Variants in ABHD17B observed in about 807,000 individuals in gnomAD.
ABHD17B encodes the protein abhydrolase domain containing 17B, depalmitoylase, also known as alpha/beta hydrolase domain-containing protein 17B.
A neutral mutation model predicts 26.2 loss-of-function variants in ABHD17B; 9 were observed. The ratio of observed to expected loss-of-function variants is 0.34; its 90% CI spans 0.21 to 0.60. The LOEUF is 0.60. ABHD17B is among the 20% of genes least tolerant of loss of function. The pLI is 0.80. For synonymous variants in ABHD17B, 127 were observed against 122.3 expected (o/e 1.04, Z -0.25); for missense variants, 224 against 352.1 (o/e 0.64, Z 2.91).
intron 1 of ABHD17B, among the ~76,000 whole-genome samples, chr9:71,885,153 T>C (rs1219185609): frequency 6.6e-6 from 1 of 151,606 alleles, no homozygotes; most frequent in African/African-American, 2.4e-5. Context: ...ATACACAAAA[T>C]GAAAGGTCAG....
chr9:71,906,794 C>T (rs1277911873), intron 1 of ABHD17B, among the ~76,000 whole-genome samples: 2 of 132,420 alleles, frequency 1.5e-5, no homozygotes, highest in South Asian at 2.6e-4. Context: ...CTGTCTTTTA[C>T]ATTATTAAAA....
At chr9:71,886,905 AAAG>A (rs1413172608) in intron 1 of ABHD17B, among the ~76,000 whole-genome samples, 3 of 152,186 alleles carry the variant, frequency 2.0e-5, no homozygotes, top group African/African-American at 4.8e-5. Context: ...TTTTGAATTA[AAAG>A]AAGAAATTTT....
At chr9:71,882,710 C>T (rs1826484495) in intron 1 of ABHD17B, among the ~76,000 whole-genome samples, 1 of 150,688 alleles carries the variant, frequency 6.6e-6, no homozygotes, top group South Asian at 2.1e-4. Context: ...GTATATATAT[C>T]CATAAAATGG....
At chr9:71,869,838 A>AGT (rs1826059620) in intron 3 of ABHD17B, among the ~76,000 whole-genome samples, 1 of 152,150 alleles carries the variant, frequency 6.6e-6, no homozygotes, top group Non-Finnish European at 1.5e-5. Flanking sequence ...CTCCAATACT[A>AGT]GTGCCACCAC....
At chr9:71,904,720 G>C (rs1370040402) in intron 1 of ABHD17B, among the ~76,000 whole-genome samples, 1 of 151,908 alleles carries the variant, frequency 6.6e-6, no homozygotes, top group Non-Finnish European at 1.5e-5. Flanking sequence ...CAAACCTTAG[G>C]GATTTCAAAA....
chr9:71,874,590 A>T, intron 2 of ABHD17B, 24 bp downstream of exon 2: 1 of 1,525,692 alleles, frequency 6.6e-7, no homozygotes, highest in East Asian at 2.3e-5. Flanking sequence ...CGAGTATGAA[A>T]AATAAATTCC....
rs1825962605 is a variant in ABHD17B at position 71,866,605 on chromosome 9, T to A, written c.*182A>T. ...TACACAGCCTGACTGCACGGTACTG[T>A]TATTTCCAGTTTTTAGTTCTGGTAA... On this transcript the variant is annotated 3_prime_UTR_variant, in exon 4 of 4. Coordinates refer to ENST00000333421, the MANE Select transcript of ABHD17B (RefSeq NM_001025780.3). 2.1e-6 allele frequency: 3 copies of A among 1,432,576 alleles called. No individual in the cohort carries two copies. The South Asian group carries it at 4.6e-5, about 22-fold the overall frequency. The allele number at this position is 1,432,576 out of a possible 1,614,324, so 88.7% of individuals were successfully genotyped here.
At chr9:71,908,291 C>T (rs895338445) in intron 1 of ABHD17B, among the ~76,000 whole-genome samples, 1 of 150,334 alleles carries the variant, frequency 6.7e-6, no homozygotes, top group Non-Finnish European at 1.5e-5. Context: ...ACTCAGGAGG[C>T]TGAGGCAGAA....
intron 1 of ABHD17B, among the ~76,000 whole-genome samples, chr9:71,895,699 T>C (rs1301254204): frequency 6.6e-6 from 1 of 152,238 alleles, no homozygotes; most frequent in Non-Finnish European, 1.5e-5. Flanking sequence ...AAAATGTCAA[T>C]GTCTCAGGAT....
intron 1 of ABHD17B, among the ~76,000 whole-genome samples, chr9:71,905,922 C>T (rs1827267893): frequency 6.6e-6 from 1 of 152,082 alleles, no homozygotes; most frequent in Non-Finnish European, 1.5e-5. Flanking sequence ...TGGTGCATGC[C>T]TGTAGTCCCA....
At chr9:71,899,196 T>A (rs1827059488) in intron 1 of ABHD17B, among the ~76,000 whole-genome samples, 1 of 151,850 alleles carries the variant, frequency 6.6e-6, no homozygotes, top group African/African-American at 2.4e-5. Flanking sequence ...TTCAAAGAAA[T>A]GTCCTAGGGT....
At chr9:71,903,754 G>C (rs950140222) in intron 1 of ABHD17B, among the ~76,000 whole-genome samples, 1 of 152,182 alleles carries the variant, frequency 6.6e-6, no homozygotes, top group Non-Finnish European at 1.5e-5. Context: ...GTTTTAGAAT[G>C]AGTGAGATAA....
rs11143032 is a variant in ABHD17B, at chr9:71,904,645, T to C, written c.-4+5989A>G. ...AGTGTCTACTCACATTTGATGATGC[T>C]GTAGTGGGTAAATGTGAGACACAGA... On this transcript the variant is annotated intron_variant, in intron 1 of 3. Coordinates refer to ENST00000333421, the MANE Select transcript of ABHD17B (RefSeq NM_001025780.3). Among the ~76,000 whole-genome samples, 9 of 152,286 alleles carry C rather than the reference T, an allele frequency of 5.9e-5. No homozygotes were observed. In the East Asian group the frequency reaches 1.7e-3, roughly 29 times the overall value.
chr9:71,876,476 T>C (rs1280884072), intron 1 of ABHD17B, among the ~76,000 whole-genome samples: 2 of 152,200 alleles, frequency 1.3e-5, no homozygotes, highest in African/African-American at 4.8e-5. Context: ...GTTCTATCAG[T>C]ATTTCCTTCT....
intron 1 of ABHD17B, among the ~76,000 whole-genome samples, chr9:71,876,404 G>A (rs746214788): frequency 6.6e-6 from 1 of 152,180 alleles, no homozygotes; most frequent in Non-Finnish European, 1.5e-5. Flanking sequence ...AACATACGGT[G>A]AGTGATGGCC....
chr9:71,883,643 T>C (rs1423355444), intron 1 of ABHD17B, among the ~76,000 whole-genome samples: 1 of 152,176 alleles, frequency 6.6e-6, no homozygotes, highest in African/African-American at 2.4e-5. Context: ...TTCTCTTAAA[T>C]GAAAAATGTC....
chr9:71,879,045 A>G (rs1350965005), intron 1 of ABHD17B, among the ~76,000 whole-genome samples: 3 of 152,180 alleles, frequency 2.0e-5, no homozygotes, highest in African/African-American at 4.8e-5. Context: ...AATCTCAGCC[A>G]CTGGCGTGGC....
At chr9:71,903,462 C>A (rs1043636140) in intron 1 of ABHD17B, among the ~76,000 whole-genome samples, 8 of 152,148 alleles carry the variant, frequency 5.3e-5, no homozygotes, top group Admixed American at 4.6e-4. Context: ...GATCCAAATT[C>A]TCTGATTTTC....
chr9:71,889,453 A>T (rs1020764933), intron 1 of ABHD17B, among the ~76,000 whole-genome samples: 9 of 152,218 alleles, frequency 5.9e-5, no homozygotes, highest in African/African-American at 2.2e-4. Context: ...ATAAGAGTAG[A>T]GGTTTATATT....
Sources: allele counts gnomAD v4.1 joint callset (sites outside exome capture counted in the v4.1 genomes callset), GRCh38; gene constraint gnomAD v4.1.1; transcripts MANE v1.5; gene names NCBI Gene and HGNC (gene_info 2026-07-23, HGNC 2026-07-21).